SPART: variants seen among roughly 807,000 people sequenced by gnomAD.
SPART encodes the protein spastic paraplegia 20 (Troyer syndrome).
A neutral mutation model predicts 58.7 loss-of-function variants in SPART; 35 were observed. The observed-to-expected ratio is 0.60, with a 90% CI of 0.46 to 0.79. SPART has a LOEUF of 0.79. SPART is among the 30% of genes least tolerant of loss of function. The pLI, the probability that SPART is intolerant of heterozygous loss-of-function variation, is 0.00. For synonymous variants in SPART, 284 were observed against 280.7 expected, an observed-to-expected ratio of 1.01 and a Z score of -0.12; for missense variants, 730 against 786.1, an observed-to-expected ratio of 0.93 and a Z score of 0.85.
chr13:36,364,918 C>A (rs1045896016), intron 1 of SPART, among the ~76,000 whole-genome samples: 1 of 152,184 alleles, frequency 6.6e-6, no homozygotes, highest in Admixed American at 6.5e-5. Flanking sequence ...CACACTGACC[C>A]CAGAGGGATC....
chr13:36,329,479 T>C lies in SPART; in HGVS notation c.1047A>G (p.Gln349=). The C allele has an allele frequency of 1.2e-6, 2 of 1,614,178 alleles. No homozygotes were observed. The highest frequency in any genetic ancestry group is 2.7e-5 in the African/African-American group (2 of 75,064). ...AGGAGGGTCTAGTTCTTCCAGGGAT[T>C]TGGAATTCATTTTCTTCTTCTGCTC... ...WNRAEEENEF[Q]IPGRTRPSSD... Residue 349 remains glutamine (Q), a synonymous_variant, in exon 4 of 9, where the codon CAA becomes CAG. Transcript: ENST00000438666.
At chr13:36,366,458 T>C (rs941971625) in intron 1 of SPART, among the ~76,000 whole-genome samples, 8 of 152,194 alleles carry the variant, frequency 5.3e-5, no homozygotes, top group Non-Finnish European at 1.0e-4. Flanking sequence ...CTATTTCAAC[T>C]TCCTGCCTCC....
At chr13:36,327,218 T>C (rs1214640130) in intron 4 of SPART, among the ~76,000 whole-genome samples, 4 of 152,212 alleles carry the variant, frequency 2.6e-5, no homozygotes, top group Admixed American at 2.0e-4. Flanking sequence ...ATCTATACTT[T>C]GCTAACTGAA....
At chr13:36,347,380 G>A (rs1278172143), upstream of SPART, among the ~76,000 whole-genome samples, 1 of 152,006 alleles carries the variant, frequency 6.6e-6, no homozygotes, top group Non-Finnish European at 1.5e-5. Context: ...CACCACTCCC[G>A]TCTAATTTTT....
In SPART at chr13:36,329,393, T is replaced by A. The variant is rs1883251120; in HGVS notation, c.1133A>T (p.Asp378Val). The A allele has an allele frequency of 1.2e-6, 2 of 1,614,172 alleles. No homozygotes were observed. Among genetic ancestry groups the A allele is most frequent in the Non-Finnish European group, 1.7e-6 (2 of 1,180,018 alleles). Residue 378 changes from aspartate (D) to valine (V), a missense_variant, in exon 4 of 9, where the codon GAT (aspartate) becomes GTT (valine). Physicochemically the swap from Asp to Val is radical, Grantham distance 152. Transcript: ENST00000438666. ...TCCACGTTTTCCTTTATGACGTACA[T>A]CCTTATTGCCTTGGTCCAACTGTTT... ...DVKQLDQGNK[D>V]VRHKGKRGKR...
chr13:36,334,553 G>A (rs1285888346), intron 2 of SPART, among the ~76,000 whole-genome samples: 3 of 152,082 alleles, frequency 2.0e-5, no homozygotes, highest in Non-Finnish European at 4.4e-5. Context: ...AATGCCTCCA[G>A]ACATTGTCAA....
intron 1 of SPART, among the ~76,000 whole-genome samples, chr13:36,361,915 A>G (rs1479633016): frequency 6.6e-6 from 1 of 152,256 alleles, no homozygotes; most frequent in Non-Finnish European, 1.5e-5. Flanking sequence ...ATGAATATCA[A>G]TAATAAAAAG....
chr13:36,350,166 C>T (rs1229706118), upstream of SPART, among the ~76,000 whole-genome samples: 1 of 152,206 alleles, frequency 6.6e-6, no homozygotes, highest in Non-Finnish European at 1.5e-5. Context: ...TTTACCCAGT[C>T]ACAAGAAAAT....
intron 1 of SPART, among the ~76,000 whole-genome samples, chr13:36,359,173 G>A (rs530248066): frequency 4.6e-5 from 7 of 152,276 alleles, no homozygotes; most frequent in East Asian, 1.9e-4. Context: ...GTTGAATACC[G>A]TATGCTCAGC....
intron 5 of SPART, among the ~76,000 whole-genome samples, chr13:36,314,671 A>G (rs1277123341): frequency 6.6e-6 from 1 of 152,218 alleles, no homozygotes; most frequent in Non-Finnish European, 1.5e-5. Context: ...GTGGCAGCTG[A>G]TAATTTCTGA....
In SPART at chr13:36,343,380, ATAATG is replaced by A. The variant is rs551723565; in HGVS notation, c.-3+2840_-3+2844del. 2.7e-3 allele frequency among the ~76,000 whole-genome samples: 413 copies of A among 152,344 alleles called. 3 individuals carry two copies. Among genetic ancestry groups the A allele is most frequent in the African/African-American group, 9.4e-3 (391 of 41,576 alleles). ...TTTTAAAAAAGGAAGTGTGTAAAAT[ATAATG>A]TATTTTAAAAATTGATGGTGATGGA... On this transcript the variant is annotated intron_variant, in intron 1 of 8. Transcript: ENST00000438666.
In SPART at chr13:36,335,162, C is replaced by T. The variant is rs996610077; in HGVS notation, c.669G>A (p.Leu223=). ...TLGLDADELI[L]IPNGVQIFFV... Reference sequence around the variant, plus strand: ...AAAAAATCTGTACTCCATTTGGTATCAAAATCAATTCATCTGCATCCAGCC... The same window carrying T: ...AAAAAATCTGTACTCCATTTGGTATTAAAATCAATTCATCTGCATCCAGCC... Residue 223 remains leucine, a synonymous_variant, in exon 2 of 9, where the codon TTG becomes TTA. Coordinates refer to ENST00000438666, the MANE Select transcript of SPART (RefSeq NM_015087.5). 1.2e-5 allele frequency: 20 copies of T among 1,614,010 alleles called. No homozygotes were observed. Among genetic ancestry groups the T allele is most frequent in the Non-Finnish European group, 1.7e-5 (20 of 1,180,018 alleles).
chr13:36,362,595 G>C (rs2137724229), intron 1 of SPART, among the ~76,000 whole-genome samples: 1 of 152,170 alleles, frequency 6.6e-6, no homozygotes, highest in South Asian at 2.1e-4. Flanking sequence ...TTTCTCCCCT[G>C]TGTGCTCTGC....
At chr13:36,320,970 T>C (rs989465735) in intron 5 of SPART, among the ~76,000 whole-genome samples, 19 of 152,192 alleles carry the variant, frequency 1.2e-4, no homozygotes, top group African/African-American at 4.6e-4. Flanking sequence ...TAAAGGTCTT[T>C]TAAAAACACA....
In SPART at chr13:36,303,506, TA is replaced by T. The variant is rs753551802; in HGVS notation, c.*858del. On this transcript the variant is annotated 3_prime_UTR_variant, in exon 9 of 9. Transcript: ENST00000438666. Reference sequence around the variant, plus strand: ...AAATTCCAATGACCGAATCCCAGAATAAAAATGTTTACCATTAGTAAACTCA... The same window carrying T: ...AAATTCCAATGACCGAATCCCAGAATAAAATGTTTACCATTAGTAAACTCA... 1 of 152,092 alleles carries T rather than the reference TA, an allele frequency of 6.6e-6. No homozygotes were observed. The highest frequency in any genetic ancestry group is 2.4e-5 in the African/African-American group (1 of 41,446). 9.4% of individuals were successfully genotyped at this position (152,092 alleles called of 1,614,324 possible). A position where few individuals can be genotyped will look rare whatever the true frequency, so the allele number is the denominator to read the frequency against.
intron 5 of SPART, among the ~76,000 whole-genome samples, chr13:36,318,135 C>T (rs897692689): frequency 2.6e-5 from 4 of 152,072 alleles, no homozygotes; most frequent in Non-Finnish European, 5.9e-5. Flanking sequence ...CCCTGCCAGG[C>T]CGAGCTAGGT....
intron 5 of SPART, among the ~76,000 whole-genome samples, chr13:36,318,872 TCTGA>T (rs1402584901): frequency 2.6e-5 from 4 of 152,214 alleles, no homozygotes; most frequent in East Asian, 1.9e-4. Context: ...CCCAAGGCTC[TCTGA>T]CTGACTCCTT....
intron 8 of SPART, among the ~76,000 whole-genome samples, chr13:36,307,373 A>AC (rs941352202): frequency 6.6e-6 from 1 of 152,140 alleles, no homozygotes; most frequent in Non-Finnish European, 1.5e-5. Context: ...CATTGAAGTT[A>AC]CCCCTTCATC....
upstream of SPART, among the ~76,000 whole-genome samples, chr13:36,347,223 TTTTG>T (rs1263363692): frequency 2.6e-5 from 4 of 152,028 alleles, no homozygotes; most frequent in Admixed American, 2.6e-4. Context: ...GTTGTTGTGT[TTTTG>T]TTTTGTTTTG....
Sources: gnomAD v4.1 joint callset for allele counts (sites outside exome capture counted in the v4.1 genomes callset) on GRCh38, gnomAD v4.1.1 for gene constraint, MANE v1.5 for transcripts, NCBI Gene and HGNC (gene_info 2026-07-23, HGNC 2026-07-21) for gene names.